The following PLEKHA6 variants were observed in gnomAD, a reference collection of about 807,000 sequenced individuals.
The protein encoded by PLEKHA6 is pleckstrin homology domain-containing family A member 6.
PLEKHA6 carries 60 observed loss-of-function variants against 116.7 expected under a neutral mutation model. The observed-to-expected ratio is 0.51, with a 90% CI of 0.42 to 0.64. PLEKHA6 has a LOEUF of 0.64. PLEKHA6 is among the 30% of genes least tolerant of loss of function. The pLI is 0.00. For synonymous variants in PLEKHA6, 489 were observed against 556.1 expected (o/e 0.88, Z 1.70); for missense variants, 1,338 against 1,422.7 (o/e 0.94, Z 0.96).
intron 1 of PLEKHA6, among the ~76,000 whole-genome samples, chr1:204,336,766 G>A (rs1672662084): frequency 6.6e-6 from 1 of 152,178 alleles, no homozygotes; most frequent in Non-Finnish European, 1.5e-5. Flanking sequence ...CTTACTTGAA[G>A]ATTTGTCAAA....
chr1:204,353,359 T>C (rs1157510990), intron 1 of PLEKHA6, among the ~76,000 whole-genome samples: 1 of 152,240 alleles, frequency 6.6e-6, no homozygotes, highest in Non-Finnish European at 1.5e-5. Context: ...TGCCTGCTCC[T>C]TGGGGCCTAA....
intron 1 of PLEKHA6, chr1:204,281,019 C>G (rs1232428985): frequency 6.3e-5 from 62 of 983,912 alleles, no homozygotes; most frequent in Non-Finnish European, 7.0e-5. Context: ...TGGGAAGGAA[C>G]CCCTCCAAAC....
At chr1:204,308,421 A>G (rs2103131784) in intron 1 of PLEKHA6, among the ~76,000 whole-genome samples, 1 of 152,248 alleles carries the variant, frequency 6.6e-6, no homozygotes, top group African/African-American at 2.4e-5. Context: ...CTGTCAATCA[A>G]TCAATCAATC....
chr1:204,353,869 C>T (rs1235519987), intron 1 of PLEKHA6, among the ~76,000 whole-genome samples: 2 of 152,076 alleles, frequency 1.3e-5, no homozygotes, highest in Admixed American at 6.5e-5. Context: ...GTTTTTCTTC[C>T]CTGCTCCGAT....
chr1:204,366,553 G>A (rs941702153), intron 3 of PLEKHA6, among the ~76,000 whole-genome samples: 9 of 152,218 alleles, frequency 5.9e-5, no homozygotes. Context: ...TGGAGGCCAG[G>A]TGTTCGAGAC....
chr1:204,225,414 T>G (rs2102380813), intron 21 of PLEKHA6, among the ~76,000 whole-genome samples: 1 of 152,346 alleles, frequency 6.6e-6, no homozygotes, highest in South Asian at 2.1e-4. Flanking sequence ...ATCATACAGA[T>G]GTGATATTAT....
Position 204,232,564 on chromosome 1 carries a change from T to C in PLEKHA6, c.2410-1978A>G, listed in dbSNP as rs557621436. ...ACAAAGTTTTTGAGACTGTTATACA[T>C]ACAGAAACACTGCTAGCTTGTACAG... On this transcript the variant is annotated intron_variant, in intron 17 of 22. Transcript: ENST00000272203. Among the ~76,000 whole-genome samples, 4 of 152,224 alleles carry C rather than the reference T, an allele frequency of 2.6e-5. No individual in the cohort carries two copies. In the South Asian group the frequency reaches 8.3e-4, roughly 32 times the overall value.
upstream of PLEKHA6, among the ~76,000 whole-genome samples, chr1:204,360,826 A>C (rs780999260): frequency 6.6e-6 from 1 of 152,170 alleles, no homozygotes; most frequent in Non-Finnish European, 1.5e-5. Context: ...TCAGGATCAG[A>C]GGCAGAAGGA....
At chr1:204,343,664 G>A (rs941852135) in intron 1 of PLEKHA6, among the ~76,000 whole-genome samples, 6 of 152,170 alleles carry the variant, frequency 3.9e-5, no homozygotes, top group African/African-American at 9.7e-5. Context: ...CAACATTAAG[G>A]AATGATACAA....
At chr1:204,245,774 C>G (rs1271537087) in intron 13 of PLEKHA6, 48 bp from the exon 14 acceptor site, 1 of 1,361,092 alleles carries the variant, frequency 7.3e-7, no homozygotes, top group Non-Finnish European at 1.0e-6. Context: ...TGAGGAGTGT[C>G]CAGCCCTTTC....
chr1:204,237,106 T>C (rs776898811), intron 17 of PLEKHA6, among the ~76,000 whole-genome samples: 1 of 152,220 alleles, frequency 6.6e-6, no homozygotes, highest in Non-Finnish European at 1.5e-5. Flanking sequence ...AACGTTATTG[T>C]GGTCCTCCAG....
At chr1:204,328,205 C>G (rs1672316386) in intron 1 of PLEKHA6, among the ~76,000 whole-genome samples, 1 of 151,238 alleles carries the variant, frequency 6.6e-6, no homozygotes, top group Non-Finnish European at 1.5e-5. Flanking sequence ...ACCTCAGCCT[C>G]CTGAGTTGCT....
intron 1 of PLEKHA6, chr1:204,313,479 T>A (rs184419280): frequency 1.3e-6 from 1 of 776,760 alleles, no homozygotes; most frequent in Non-Finnish European, 1.6e-6. Context: ...CCTCCCCATT[T>A]CTCAAGAGCA....
At chr1:204,351,808 C>T (rs1673289865) in intron 1 of PLEKHA6, among the ~76,000 whole-genome samples, 1 of 152,112 alleles carries the variant, frequency 6.6e-6, no homozygotes, top group South Asian at 2.1e-4. Context: ...TCCCCAAGCT[C>T]CTCCCACCAA....
chr1:204,351,796 C>T (rs1265709874), intron 1 of PLEKHA6, among the ~76,000 whole-genome samples: 1 of 152,120 alleles, frequency 6.6e-6, no homozygotes, highest in Non-Finnish European at 1.5e-5. Flanking sequence ...CAGCTCCTGC[C>T]CTCCCCAAGC....
intron 1 of PLEKHA6, among the ~76,000 whole-genome samples, chr1:204,310,001 A>T (rs1671598618): frequency 6.6e-6 from 1 of 152,154 alleles, no homozygotes; most frequent in Non-Finnish European, 1.5e-5. Flanking sequence ...TTTGAATTTC[A>T]TGTGTCACAA....
chr1:204,255,086 G>A (rs1323518599), intron 9 of PLEKHA6, among the ~76,000 whole-genome samples: 1 of 152,190 alleles, frequency 6.6e-6, no homozygotes, highest in Non-Finnish European at 1.5e-5. Flanking sequence ...GAATGCACGA[G>A]CTGTTTATGC....
chr1:204,257,933 C>T lies in PLEKHA6; in HGVS notation c.1008-64G>A. ...CGGGCACCCCTCCACCCACCCCAGC[C>T]CCACCTCCAGGTCCCCCAGCCTAGA... On this transcript the variant is annotated intron_variant, in intron 8 of 22. Coordinates refer to ENST00000272203, the MANE Select transcript of PLEKHA6 (RefSeq NM_014935.5). The surrounding 1 kb of genome is among the most constrained non-coding windows in gnomAD (Gnocchi z 6.5). 1 of 1,478,004 alleles carries T rather than the reference C, an allele frequency of 6.8e-7. No homozygotes were observed. Among genetic ancestry groups the T allele is most frequent in the Non-Finnish European group, 9.2e-7 (1 of 1,085,714 alleles). 91.6% of individuals were successfully genotyped at this position (1,478,004 alleles called of 1,614,324 possible).
intron 1 of PLEKHA6, among the ~76,000 whole-genome samples, chr1:204,285,820 T>C (rs1406452938): frequency 6.6e-6 from 1 of 151,570 alleles, no homozygotes; most frequent in African/African-American, 2.4e-5. Flanking sequence ...GAGAGAAGAG[T>C]TGGAGAAGGA....
Sources: gnomAD v4.1 joint callset for allele counts (sites outside exome capture counted in the v4.1 genomes callset) on GRCh38, gnomAD v4.1.1 for gene constraint, Gnocchi (gnomAD v3.1) non-coding constraint, MANE v1.5 for transcripts, NCBI Gene and HGNC (gene_info 2026-07-23, HGNC 2026-07-21) for gene names.